SLC39A11: variants seen among roughly 807,000 people sequenced by gnomAD.
The protein encoded by SLC39A11 is zinc transporter ZIP11.
A neutral mutation model predicts 36.1 loss-of-function variants in SLC39A11; 33 were observed. The observed-to-expected ratio is 0.91, with a 90% CI of 0.69 to 1.22. The LOEUF (loss-of-function observed/expected upper bound fraction) is 1.22. SLC39A11 is among the 50% of genes most tolerant of loss of function. The probability of loss-of-function intolerance (pLI) is 0.00; values close to 1 mark genes in which losing one functional copy is unlikely to be tolerated. For synonymous variants in SLC39A11, 166 were observed against 170.3 expected (o/e 0.97, Z 0.20); for missense variants, 432 against 430.3 (o/e 1.00, Z -0.03).
At chr17:72,751,898 A>G (rs2075169545) in intron 6 of SLC39A11, among the ~76,000 whole-genome samples, 2 of 151,934 alleles carry the variant, frequency 1.3e-5, no homozygotes, top group African/African-American at 4.8e-5. Flanking sequence ...TTTATCTTGC[A>G]TAATTGAAAC....
intron 4 of SLC39A11, among the ~76,000 whole-genome samples, chr17:72,975,897 G>T (rs983877329): frequency 6.6e-6 from 1 of 152,136 alleles, no homozygotes; most frequent in African/African-American, 2.4e-5. Context: ...TAGGCCAGGC[G>T]TGGTGGCTCA....
chr17:72,663,249 C>T (rs1476653218), intron 7 of SLC39A11, among the ~76,000 whole-genome samples: 1 of 152,206 alleles, frequency 6.6e-6, no homozygotes, highest in African/African-American at 2.4e-5. Context: ...TGAGCAGAAA[C>T]CGACAACTCT....
chr17:72,670,160 TACACACACACACACACACACACACACAC>T (rs202032502), intron 7 of SLC39A11, among the ~76,000 whole-genome samples: 3 of 104,670 alleles, frequency 2.9e-5, no homozygotes, highest in African/African-American at 6.7e-5. Context: ...ACATTTTATA[TACACACACACACACACACACACACACAC>T]ACACACACAC....
intron 7 of SLC39A11, among the ~76,000 whole-genome samples, chr17:72,691,455 A>T (rs2072025389): frequency 2.0e-5 from 3 of 152,206 alleles, no homozygotes; most frequent in Admixed American, 2.0e-4. Context: ...CAGCAGACAG[A>T]TTCATCTACT....
At chr17:72,665,070 C>T (rs1311307517) in intron 7 of SLC39A11, among the ~76,000 whole-genome samples, 2 of 152,220 alleles carry the variant, frequency 1.3e-5, no homozygotes, top group Non-Finnish European at 2.9e-5. Flanking sequence ...GCTTCTTTCT[C>T]TCTTCTCTCT....
chr17:72,741,193 CTT>C (rs2074682750), intron 6 of SLC39A11, among the ~76,000 whole-genome samples: 1 of 151,996 alleles, frequency 6.6e-6, no homozygotes, highest in Non-Finnish European at 1.5e-5. Context: ...GTAGTTATGA[CTT>C]AATATATCGT....
chr17:72,964,068 G>A (rs376068886), intron 4 of SLC39A11, among the ~76,000 whole-genome samples: 7 of 151,916 alleles, frequency 4.6e-5, no homozygotes, highest in East Asian at 1.9e-4. Flanking sequence ...TGCTAGTGGC[G>A]CCCCCCGAGG....
intron 4 of SLC39A11, among the ~76,000 whole-genome samples, chr17:73,027,383 T>C (rs984476996): frequency 2.0e-5 from 3 of 152,118 alleles, no homozygotes; most frequent in Non-Finnish European, 4.4e-5. Flanking sequence ...CCCCTTTTTT[T>C]CTCCCCTTTC....
chr17:72,963,405 C>T (rs986862733), intron 4 of SLC39A11, among the ~76,000 whole-genome samples: 2 of 151,562 alleles, frequency 1.3e-5, no homozygotes, highest in Non-Finnish European at 1.5e-5. Flanking sequence ...CTCCTGACCT[C>T]GTGATCCGCC....
intron 3 of SLC39A11, among the ~76,000 whole-genome samples, chr17:73,057,665 C>T (rs531009627): frequency 1.6e-4 from 24 of 152,180 alleles, no homozygotes; most frequent in Non-Finnish European, 2.2e-4. Flanking sequence ...AGGCCAGGCG[C>T]GGTGGCTCAC....
At chr17:72,894,096 T>C (rs2081903516) in intron 5 of SLC39A11, among the ~76,000 whole-genome samples, 1 of 152,062 alleles carries the variant, frequency 6.6e-6, no homozygotes, top group Non-Finnish European at 1.5e-5. Context: ...GCATGGTGGC[T>C]CACATCTGTA....
chr17:73,054,125 G>A (rs913093268), intron 3 of SLC39A11, among the ~76,000 whole-genome samples: 5 of 152,166 alleles, frequency 3.3e-5, no homozygotes, highest in African/African-American at 4.8e-5. Context: ...AGCACTTTGG[G>A]AGGCCGAGGT....
At chr17:72,887,276 C>T (rs1322228833) in intron 5 of SLC39A11, among the ~76,000 whole-genome samples, 1 of 152,152 alleles carries the variant, frequency 6.6e-6, no homozygotes, top group Non-Finnish European at 1.5e-5. Context: ...GAAAGCTGGA[C>T]CCCTGGAAAA....
chr17:73,044,501 T>C (rs1233163323), intron 3 of SLC39A11, among the ~76,000 whole-genome samples: 1 of 152,176 alleles, frequency 6.6e-6, no homozygotes. Flanking sequence ...AAAACTACTC[T>C]GTGGTTAGAA....
At position 73,066,361 on chromosome 17, in the gene SLC39A11, C is replaced by A. The variant is rs188242174; in HGVS notation, c.147+18447G>T. 1.3e-3 allele frequency among the ~76,000 whole-genome samples: 200 copies of A among 152,308 alleles called. 1 individual carries two copies. Among genetic ancestry groups the A allele is most frequent in the Non-Finnish European group, 6.0e-4 (41 of 68,026 alleles). ...AGAAGAAGCACCCAGCTGAGCCCAG[C>A]AACCTAGAACCAGGGGAAATAAATT... is the stretch of plus-strand genomic sequence containing the variant. On this transcript the variant is annotated intron_variant, in intron 3 of 9. Coordinates refer to ENST00000255559, the MANE Select transcript of SLC39A11 (RefSeq NM_139177.4).
chr17:73,008,721 C>T (rs116324146), intron 4 of SLC39A11, among the ~76,000 whole-genome samples: 9,159 of 152,204 alleles, frequency 0.06, 405 homozygotes, highest in African/African-American at 0.12. Flanking sequence ...CAGTATGGCA[C>T]GCCCAAACAC....
At chr17:72,975,809 G>A (rs1430551849) in intron 4 of SLC39A11, among the ~76,000 whole-genome samples, 1 of 152,160 alleles carries the variant, frequency 6.6e-6, no homozygotes, top group African/African-American at 2.4e-5. Context: ...CTGGTAGTAA[G>A]GCTACAGCAG....
At chr17:72,891,369 C>A (rs541370448) in intron 5 of SLC39A11, among the ~76,000 whole-genome samples, 1 of 152,276 alleles carries the variant, frequency 6.6e-6, no homozygotes, top group East Asian at 1.9e-4. Flanking sequence ...GACTCTTGCT[C>A]TCCTGCCTGG....
chr17:72,994,446 AC>A (rs769464026), intron 4 of SLC39A11, among the ~76,000 whole-genome samples: 16 of 152,348 alleles, frequency 1.1e-4, no homozygotes, highest in South Asian at 6.2e-4. Context: ...AATAGTGGTG[AC>A]TTAGCAGCAA....
Sources: gnomAD v4.1 joint callset for allele counts (sites outside exome capture counted in the v4.1 genomes callset) on GRCh38, gnomAD v4.1.1 for gene constraint, MANE v1.5 for transcripts, NCBI Gene and HGNC (gene_info 2026-07-23, HGNC 2026-07-21) for gene names.